The following CEP128 variants were observed in gnomAD, a reference collection of about 807,000 sequenced individuals.
CEP128 encodes centrosomal protein 128kDa.
Under a neutral mutation model 156.7 loss-of-function variants are expected in CEP128, and 132 were observed. The observed-to-expected ratio is 0.84, with a 90% CI of 0.73 to 0.97. The LOEUF is 0.97. Ranked by LOEUF, CEP128 falls within the 50% of genes least tolerant of loss-of-function variation. CEP128 has a pLI of 0.00. For synonymous variants in CEP128, 469 were observed against 448.9 expected, an observed-to-expected ratio of 1.04 and a Z score of -0.57; for missense variants, 1,252 against 1,281.9, an observed-to-expected ratio of 0.98 and a Z score of 0.36.
At chr14:80,728,897 A>T (rs1898122183) in intron 19 of CEP128, among the ~76,000 whole-genome samples, 1 of 152,124 alleles carries the variant, frequency 6.6e-6, no homozygotes, top group Non-Finnish European at 1.5e-5. Flanking sequence ...CTCTTTTAAC[A>T]GTTTTGTCAC....
intron 13 of CEP128, among the ~76,000 whole-genome samples, chr14:80,827,625 A>G (rs540252041): frequency 6.6e-6 from 1 of 152,342 alleles, no homozygotes; most frequent in Admixed American, 6.5e-5. Flanking sequence ...TCTGGTTGTA[A>G]GGACTCTGTA....
At chr14:80,695,777 G>A (rs1488689172) in intron 19 of CEP128, among the ~76,000 whole-genome samples, 1 of 151,960 alleles carries the variant, frequency 6.6e-6, no homozygotes, top group Non-Finnish European at 1.5e-5. Context: ...GGTATTGCTG[G>A]TGGTCAAAGT....
intron 19 of CEP128, among the ~76,000 whole-genome samples, chr14:80,711,935 A>G (rs1897427318): frequency 6.6e-6 from 1 of 152,186 alleles, no homozygotes. Context: ...AACTATTTGC[A>G]TGCCAATTCA....
chr14:80,764,800 CTAAA>C (rs1312001696), intron 16 of CEP128, among the ~76,000 whole-genome samples: 1 of 152,192 alleles, frequency 6.6e-6, no homozygotes, highest in African/African-American at 2.4e-5. Context: ...AACAATTAAA[CTAAA>C]CAAACAAATC....
chr14:80,639,817 TGAA>T (rs1264019168), intron 19 of CEP128, among the ~76,000 whole-genome samples: 1 of 152,134 alleles, frequency 6.6e-6, no homozygotes, highest in African/African-American at 2.4e-5. Flanking sequence ...TTTGTTTTGA[TGAA>T]GGAGTAAGAA....
chr14:80,497,285 T>G lies in CEP128; in HGVS notation c.*194A>C. Reference sequence around the variant, plus strand: ...AAATAAATTAGCTGCACATCATTCATGATCTGATATTATTTGGATTGGTTT... The same window carrying G: ...AAATAAATTAGCTGCACATCATTCAGGATCTGATATTATTTGGATTGGTTT... On this transcript the variant is annotated 3_prime_UTR_variant, in exon 25 of 25. Transcript: ENST00000555265. 11 of 507,774 alleles carry G rather than the reference T, an allele frequency of 2.2e-5. No homozygotes were observed. Among genetic ancestry groups the G allele is most frequent in the East Asian group, 3.3e-5 (1 of 30,464 alleles). 31.5% of individuals were successfully genotyped at this position (507,774 alleles called of 1,614,324 possible).
At chr14:80,684,749 C>T (rs1484395460) in intron 19 of CEP128, among the ~76,000 whole-genome samples, 1 of 148,508 alleles carries the variant, frequency 6.7e-6, no homozygotes, top group Non-Finnish European at 1.5e-5. Context: ...AAAGTTAACT[C>T]ACCAAGAAAA....
chr14:80,787,639 G>T (rs1463461029), intron 14 of CEP128, among the ~76,000 whole-genome samples: 1 of 152,018 alleles, frequency 6.6e-6, no homozygotes, highest in Non-Finnish European at 1.5e-5. Context: ...AATCAAATTT[G>T]GGCTGTAAAG....
intron 19 of CEP128, among the ~76,000 whole-genome samples, chr14:80,622,999 C>G (rs1422052574): frequency 6.6e-6 from 1 of 152,098 alleles, no homozygotes; most frequent in Non-Finnish European, 1.5e-5. Context: ...GCTATAAAGA[C>G]ACATGCACAT....
chr14:80,580,624 T>C (rs1367568818), intron 19 of CEP128, among the ~76,000 whole-genome samples: 1 of 152,164 alleles, frequency 6.6e-6, no homozygotes, highest in African/African-American at 2.4e-5. Context: ...CTGCCAACTC[T>C]AAGCTAGCCA....
chr14:80,900,168 C>A (rs1008535752), intron 6 of CEP128, 139 bp from the exon 7 acceptor site: 3 of 548,694 alleles, frequency 5.5e-6, no homozygotes, highest in Non-Finnish European at 9.3e-6. Context: ...AAAACACCTA[C>A]TCTGAAAGAA....
intron 21 of CEP128, among the ~76,000 whole-genome samples, chr14:80,555,287 G>A (rs550615363): frequency 2.6e-5 from 4 of 152,026 alleles, no homozygotes; most frequent in Non-Finnish European, 5.9e-5. Flanking sequence ...TGATTCTGTG[G>A]GATCTCTGTG....
At chr14:80,829,185 G>A (rs990284304) in intron 13 of CEP128, among the ~76,000 whole-genome samples, 4 of 152,078 alleles carry the variant, frequency 2.6e-5, no homozygotes, top group Admixed American at 6.5e-5. Context: ...AAAATCAGAC[G>A]TGTCACTAAA....
intron 19 of CEP128, among the ~76,000 whole-genome samples, chr14:80,738,940 T>G (rs527432401): frequency 6.6e-6 from 1 of 152,196 alleles, no homozygotes; most frequent in Non-Finnish European, 1.5e-5. Context: ...CTAAGGTGGC[T>G]CTAATGCTTT....
At chr14:80,648,715 T>C (rs1894767576) in intron 19 of CEP128, among the ~76,000 whole-genome samples, 1 of 152,144 alleles carries the variant, frequency 6.6e-6, no homozygotes, top group Admixed American at 6.6e-5. Flanking sequence ...TTTTCATTCA[T>C]TAATTCATTC....
chr14:80,610,561 T>C (rs1403597377), intron 19 of CEP128, among the ~76,000 whole-genome samples: 1 of 152,140 alleles, frequency 6.6e-6, no homozygotes, highest in Non-Finnish European at 1.5e-5. Context: ...ATTGGTATTA[T>C]ATGGGAAAAC....
intron 19 of CEP128, among the ~76,000 whole-genome samples, chr14:80,717,615 T>C (rs1362664411): frequency 1.3e-5 from 2 of 151,360 alleles, no homozygotes; most frequent in African/African-American, 4.9e-5. Flanking sequence ...GTGCAAAGGT[T>C]AAAAAAAAAC....
intron 8 of CEP128, among the ~76,000 whole-genome samples, chr14:80,883,177 T>C (rs956837813): frequency 1.3e-5 from 2 of 152,214 alleles, no homozygotes; most frequent in African/African-American, 4.8e-5. Context: ...TATACATGCC[T>C]ACTACCTACC....
intron 19 of CEP128, among the ~76,000 whole-genome samples, chr14:80,628,349 C>T (rs989699553): frequency 1.3e-5 from 2 of 152,154 alleles, no homozygotes; most frequent in African/African-American, 4.8e-5. Context: ...ATTAGCTTGA[C>T]TGGCATGTCT....
Sources: gnomAD v4.1 joint callset for allele counts (sites outside exome capture counted in the v4.1 genomes callset) on GRCh38, gnomAD v4.1.1 for gene constraint, MANE v1.5 for transcripts, NCBI Gene and HGNC (gene_info 2026-07-23, HGNC 2026-07-21) for gene names.